Variants in MLLT10 observed in about 807,000 individuals in gnomAD.
MLLT10 encodes protein AF-10.
A neutral mutation model predicts 129.1 loss-of-function variants in MLLT10; 30 were observed. The ratio of observed to expected loss-of-function variants is 0.23; its 90% confidence interval spans 0.17 to 0.32. The LOEUF (loss-of-function observed/expected upper bound fraction) is 0.32, where lower values mean the gene tolerates loss of function less well. MLLT10 is among the 10% of genes least tolerant of loss of function. The probability of loss-of-function intolerance (pLI) is 1.00; values close to 1 mark genes in which losing one functional copy is unlikely to be tolerated. For missense variants in MLLT10, 1,119 were observed against 1,268.3 expected (o/e 0.88, Z 1.79); for synonymous variants, 490 against 446.4 (o/e 1.10, Z -1.23).
chr10:21,586,291 TAGAG>T lies in MLLT10; in HGVS notation c.241-1_243del. On this transcript the variant is annotated splice_acceptor_variant and coding_sequence_variant, in exon 4 of 23. Coordinates refer to ENST00000307729, the MANE Select transcript of MLLT10 (RefSeq NM_001195626.3). LOFTEE classifies it high-confidence loss of function. The stretch of plus-strand genomic sequence containing the variant: ...TTACCTGTTTCTTTTTTTTTTTTTA[TAGAG>T]ATGTGAACTTTGTCCCCATAAGGAT... 6.5e-7 allele frequency: 1 copy of T among 1,543,938 alleles called. No homozygotes were observed. Among genetic ancestry groups the T allele is most frequent in the African/African-American group, 1.4e-5 (1 of 72,458 alleles).
At chr10:21,664,308 T>TTTTG (rs1181373183) in intron 9 of MLLT10, among the ~76,000 whole-genome samples, 1 of 151,720 alleles carries the variant, frequency 6.6e-6, no homozygotes, top group Non-Finnish European at 1.5e-5. Flanking sequence ...TTTGTTTGCT[T>TTTTG]TTTGTTTGTT....
At chr10:21,559,299 G>C (rs1443336080) in intron 3 of MLLT10, among the ~76,000 whole-genome samples, 3 of 152,170 alleles carry the variant, frequency 2.0e-5, no homozygotes, top group Non-Finnish European at 4.4e-5. Context: ...GGCCAGGCTG[G>C]TCTCGAACTC....
chr10:21,720,768 A>G (rs1352861408), intron 14 of MLLT10, among the ~76,000 whole-genome samples: 1 of 152,220 alleles, frequency 6.6e-6, no homozygotes, highest in Non-Finnish European at 1.5e-5. Flanking sequence ...TAATAATTTT[A>G]ATGGAAAAAT....
chr10:21,628,068 A>G (rs1176665500), intron 8 of MLLT10, among the ~76,000 whole-genome samples: 2 of 152,156 alleles, frequency 1.3e-5, no homozygotes, highest in Admixed American at 1.3e-4. Context: ...AAGGGCCATG[A>G]GGTTTCTAGT....
At chr10:21,595,228 GC>G (rs2042930741) in intron 4 of MLLT10, 102 bp from the exon 5 acceptor site, 1 of 738,470 alleles carries the variant, frequency 1.4e-6, no homozygotes, top group South Asian at 2.3e-5. Flanking sequence ...TCCTTGTTGT[GC>G]ATTTATTTCA....
intron 11 of MLLT10, among the ~76,000 whole-genome samples, chr10:21,676,417 C>CAAAAAAAAAAAAAAAAAAAAAA (rs113829023): frequency 7.7e-6 from 1 of 129,616 alleles, no homozygotes; most frequent in African/African-American, 2.9e-5. Context: ...GACTCCGTCT[C>CAAAAAAAAAAAAAAAAAAAAAA]AAAAAAAAAA....
intron 3 of MLLT10, among the ~76,000 whole-genome samples, chr10:21,553,046 C>T (rs1426717233): frequency 6.6e-6 from 1 of 152,032 alleles, no homozygotes; most frequent in African/African-American, 2.4e-5. Context: ...TTGGAGTTTT[C>T]TTCTTGCTTA....
At chr10:21,703,298 T>TC (rs1011944743) in intron 13 of MLLT10, among the ~76,000 whole-genome samples, 8 of 152,050 alleles carry the variant, frequency 5.3e-5, no homozygotes, top group African/African-American at 7.2e-5. Flanking sequence ...TTTTTTTTTT[T>TC]TCCTTTCAGC....
At chr10:21,594,004 A>G (rs2042770767) in intron 4 of MLLT10, among the ~76,000 whole-genome samples, 2 of 140,054 alleles carry the variant, frequency 1.4e-5, no homozygotes, top group African/African-American at 5.3e-5. Context: ...TCTTTTAGAG[A>G]GGATAGATGT....
At chr10:21,664,290 GT>G (rs527432567) in intron 9 of MLLT10, among the ~76,000 whole-genome samples, 20 of 140,222 alleles carry the variant, frequency 1.4e-4, no homozygotes, top group South Asian at 4.6e-4. Context: ...CTATGTATGT[GT>G]TTTTTTTTTG....
intron 13 of MLLT10, among the ~76,000 whole-genome samples, chr10:21,704,345 CTCTCTCTCTCTCTATATATATA>C (rs1431420196): frequency 1.7e-5 from 1 of 59,796 alleles, no homozygotes; most frequent in Non-Finnish European, 3.4e-5. Flanking sequence ...CTCTCTCTCT[CTCTCTCTCTCTCTATATATATA>C]TATATATATA....
At chr10:21,567,214 G>A (rs141934272) in intron 3 of MLLT10, among the ~76,000 whole-genome samples, 1 of 152,322 alleles carries the variant, frequency 6.6e-6, no homozygotes, top group Non-Finnish European at 1.5e-5. Context: ...TTTAACTAGT[G>A]TTCTCTTACA....
chr10:21,611,067 G>A (rs1319516283), intron 5 of MLLT10, among the ~76,000 whole-genome samples: 1 of 141,832 alleles, frequency 7.1e-6, no homozygotes, highest in Non-Finnish European at 1.5e-5. Context: ...CATGATCTTG[G>A]CTCACTGTAA....
At chr10:21,652,265 C>CA (rs2049122925) in intron 9 of MLLT10, among the ~76,000 whole-genome samples, 1 of 152,092 alleles carries the variant, frequency 6.6e-6, no homozygotes, top group Non-Finnish European at 1.5e-5. Flanking sequence ...TGCTTGTCTC[C>CA]AAAGCCTGTT....
intron 13 of MLLT10, among the ~76,000 whole-genome samples, chr10:21,705,544 T>C (rs530659633): frequency 5.7e-4 from 87 of 152,250 alleles, no homozygotes; most frequent in African/African-American, 1.9e-3. Context: ...GCCCTGTCAC[T>C]GGAGAGCCCA....
At chr10:21,668,249 A>C (rs1462693640) in intron 9 of MLLT10, among the ~76,000 whole-genome samples, 1 of 152,072 alleles carries the variant, frequency 6.6e-6, no homozygotes, top group African/African-American at 2.4e-5. Context: ...GATTTTGTGA[A>C]TTTAGTCTTG....
chr10:21,566,844 G>A (rs971563046), intron 3 of MLLT10, among the ~76,000 whole-genome samples: 19 of 149,442 alleles, frequency 1.3e-4, no homozygotes, highest in East Asian at 4.0e-4. Flanking sequence ...ACGAAGTTTC[G>A]CTCTTGTTGC....
chr10:21,599,499 A>G (rs1049624453), intron 5 of MLLT10, among the ~76,000 whole-genome samples: 17 of 152,144 alleles, frequency 1.1e-4, no homozygotes, highest in African/African-American at 3.9e-4. Context: ...AACAGGGTTC[A>G]TTTTAATTTT....
At chr10:21,556,386 C>G (rs2037973231) in intron 3 of MLLT10, among the ~76,000 whole-genome samples, 1 of 152,180 alleles carries the variant, frequency 6.6e-6, no homozygotes, top group African/African-American at 2.4e-5. Flanking sequence ...AGAAATATAT[C>G]TGATCATGAT....
Sources: allele counts gnomAD v4.1 joint callset (sites outside exome capture counted in the v4.1 genomes callset), GRCh38; gene constraint gnomAD v4.1.1; transcripts MANE v1.5; gene names NCBI Gene and HGNC (gene_info 2026-07-23, HGNC 2026-07-21).